The following MMP25 variants were observed in gnomAD, a reference collection of about 807,000 sequenced individuals.
MMP25 encodes the protein matrix metalloproteinase-25.
MMP25 carries 68 observed loss-of-function variants against 62.1 expected under a neutral mutation model. The ratio of observed to expected loss-of-function variants is 1.10; its 90% CI spans 0.90 to 1.34. The LOEUF (loss-of-function observed/expected upper bound fraction) is 1.34. Among genes scored for constraint, MMP25 ranks in the 40% most tolerant of loss-of-function variants. MMP25 has a pLI of 0.00. For missense variants in MMP25, 942 were observed against 792.5 expected (o/e 1.19, Z -2.26); for synonymous variants, 407 against 345.6 (o/e 1.18, Z -1.97).
chr16:3,049,949 A>G, intron 2 of MMP25, 60 bp from the exon 3 acceptor site: 1 of 1,598,654 alleles, frequency 6.3e-7, no homozygotes, highest in South Asian at 1.1e-5. Context: ...GACTGGTGCT[A>G]TGATTAAGGC....
chr16:3,049,610 C>G (rs923651450), intron 2 of MMP25, among the ~76,000 whole-genome samples: 3 of 152,300 alleles, frequency 2.0e-5, no homozygotes, highest in East Asian at 1.9e-4. Context: ...TTGAGGAGAA[C>G]TTGGCAGTGA....
At position 3,050,100 on chromosome 16, in the gene MMP25, C is replaced by T. The variant is rs373639552; in HGVS notation, c.324C>T (p.Tyr108=). The T allele has an allele frequency of 1.2e-4, 201 of 1,610,892 alleles. No homozygotes were observed. The Admixed American group carries it at 1.7e-3, about 14-fold the overall frequency. ...GGCTGGTCAGGCGGCGTCGCCGGTACGCTCTGAGCGGCAGCGTGTGGAAGA... is the reference window on the plus strand; with the variant it reads ...GGCTGGTCAGGCGGCGTCGCCGGTATGCTCTGAGCGGCAGCGTGTGGAAGA... ...VAGLVRRRRR[Y]ALSGSVWKKR... is the part of the protein sequence containing the mutation. Residue 108 remains tyrosine, a synonymous_variant, in exon 3 of 10, where the codon TAC becomes TAT. Coordinates refer to ENST00000336577, the MANE Select transcript of MMP25 (RefSeq NM_022468.5).
chr16:3,058,443 G>C lies in MMP25; in HGVS notation c.1191G>C (p.Gln397His), dbSNP rs1269064787. 1 of 1,588,948 alleles carries C rather than the reference G, an allele frequency of 6.3e-7. No homozygotes were observed. Among genetic ancestry groups the C allele is most frequent in the South Asian group, 1.1e-5 (1 of 88,216 alleles). ...AGTTCTGGGTGTTCCAGGACCGGCA[G>C]CTGGAGGGCGGGGCGCGGCCGCTCA... ...GPQFWVFQDR[Q>H]LEGGARPLTE... The change falls in exon 9 of 10, where the codon CAG becomes CAC. Residue 397 changes from glutamine to histidine, a missense_variant. Gln to His is a conservative substitution (Grantham distance 24). Coordinates refer to ENST00000336577, the MANE Select transcript of MMP25 (RefSeq NM_022468.5).
rs905378280 is a variant in MMP25, at chr16:3,058,683, T to C, written c.1417+14T>C. On this transcript the variant is annotated intron_variant, in intron 9 of 9. Coordinates refer to ENST00000336577, the MANE Select transcript of MMP25 (RefSeq NM_022468.5). ...TCAGCAACGCAGGTGGGGAGCGCGG[T>C]GACCTGCGGGTTACTGGGCCTGGGG... The C allele has an allele frequency of 8.2e-6, 13 of 1,586,230 alleles. No individual in the cohort carries two copies. The highest frequency in any genetic ancestry group is 1.7e-4 in the Middle Eastern group (1 of 6,010).
intron 3 of MMP25, 28 bp from the exon 4 acceptor site, chr16:3,050,226 C>A (rs750194997): frequency 1.3e-6 from 2 of 1,579,750 alleles, no homozygotes; most frequent in South Asian, 2.3e-5. Flanking sequence ...TCCACGGCCA[C>A]CCTTACACCT....
Position 3,058,660 on chromosome 16 carries a change from A to C in MMP25, c.1408A>C (p.Ser470Arg), listed in dbSNP as rs1956060934. ...APPSPDDVTV[S>R]NAGDTYFFKG... Reference sequence around the variant, plus strand: ...CCCCTCCCCTGACGATGTCACCGTCAGCAACGCAGGTGGGGAGCGCGGTGA... The same window carrying C: ...CCCCTCCCCTGACGATGTCACCGTCCGCAACGCAGGTGGGGAGCGCGGTGA... The change falls in exon 9 of 10, where the codon AGC becomes CGC. Residue 470 changes from serine (S) to arginine (R), a missense_variant. Physicochemically the swap from Ser to Arg is moderately radical, Grantham distance 110. Transcript: ENST00000336577. 6.3e-7 allele frequency: 1 copy of C among 1,599,732 alleles called. No homozygotes were observed. The highest frequency in any genetic ancestry group is 1.3e-5 in the African/African-American group (1 of 74,576).
chr16:3,058,127 G>A (rs1956044605), intron 7 of MMP25, 54 bp from the exon 8 acceptor site: 1 of 1,592,444 alleles, frequency 6.3e-7, no homozygotes, highest in Non-Finnish European at 8.5e-7. Context: ...CACCCTGGGG[G>A]AGGAGACCTC....
intron 4 of MMP25, chr16:3,051,382 G>C (rs1205292176): frequency 6.6e-6 from 1 of 152,226 alleles, no homozygotes; most frequent in African/African-American, 2.4e-5. Context: ...GGAAACCTTA[G>C]CTTTAGCTCT....
At position 3,057,050 on chromosome 16, in the gene MMP25, C is replaced by A; in HGVS notation, c.679C>A (p.Leu227Met). The A allele has an allele frequency of 6.3e-7, 1 of 1,590,420 alleles. No homozygotes were observed. The highest frequency in any genetic ancestry group is 8.6e-7 in the Non-Finnish European group (1 of 1,167,476). The change falls in exon 5 of 10, where the codon CTG becomes ATG. Residue 227 changes from leucine (L) to methionine (M), a missense_variant. Leu to Met is a conservative substitution (Grantham distance 15). Coordinates refer to ENST00000336577, the MANE Select transcript of MMP25 (RefSeq NM_022468.5). Reference sequence around the variant, plus strand: ...TCCTGCAGACGGCGAGGGGACCGACCTGTTTGCCGTGGCTGTCCATGAGTT... The same window carrying A: ...TCCTGCAGACGGCGAGGGGACCGACATGTTTGCCGTGGCTGTCCATGAGTT... ...FGSKDGEGTD[L>M]FAVAVHEFGH...
At position 3,050,118 on chromosome 16, in the gene MMP25, G is replaced by T. The variant is rs765565632; in HGVS notation, c.342G>T (p.Val114=). The change falls in exon 3 of 10, where the codon GTG becomes GTT. Residue 114 remains valine (V), a synonymous_variant. Transcript: ENST00000336577. ...GCCGGTACGCTCTGAGCGGCAGCGT[G>T]TGGAAGAAGCGAACCCTGACATGGA... ...RRRRYALSGS[V]WKKRTLTWRV... 1.9e-6 allele frequency: 3 copies of T among 1,608,206 alleles called. No individual in the cohort carries two copies. The African/African-American group carries it at 4.0e-5, about 21-fold the overall frequency.
chr16:3,051,593 G>A (rs187283352), intron 4 of MMP25: 1 of 152,290 alleles, frequency 6.6e-6, no homozygotes. Flanking sequence ...AACCATCACA[G>A]AGGCCTAGCA....
rs769430716 is a variant in MMP25, at chr16:3,050,389, C to T, written c.504C>T (p.Pro168=). The T allele has an allele frequency of 6.8e-6, 11 of 1,613,876 alleles. No individual in the cohort carries two copies. The highest frequency in any genetic ancestry group is 6.6e-5 in the South Asian group (6 of 91,082). Residue 168 remains proline (P), a synonymous_variant, in exon 4 of 10, where the codon CCC becomes CCT. Transcript: ENST00000336577. ...HEVDSPQGQE[P]DILIDFARAF... Reference sequence around the variant, plus strand: ...TGGATTCCCCCCAGGGCCAGGAGCCCGACATCCTCATCGACTTTGCCCGCG... The same window carrying T: ...TGGATTCCCCCCAGGGCCAGGAGCCTGACATCCTCATCGACTTTGCCCGCG...
chr16:3,057,529 A>G lies in MMP25; in HGVS notation c.924-2A>G. 1 of 1,613,742 alleles carries G rather than the reference A, an allele frequency of 6.2e-7. No individual in the cohort carries two copies. The highest frequency in any genetic ancestry group is 8.5e-7 in the Non-Finnish European group (1 of 1,179,768). ...TCTACTCACCTCTCCTTTCCTCCCC[A>G]GCCCATCCTTCCCCATCCCTGATCG... On this transcript the variant is annotated splice_acceptor_variant, in intron 6 of 9. Coordinates refer to ENST00000336577, the MANE Select transcript of MMP25 (RefSeq NM_022468.5). LOFTEE classifies it high-confidence loss of function.
chr16:3,049,356 G>T (rs1955865478), intron 2 of MMP25, among the ~76,000 whole-genome samples: 1 of 152,198 alleles, frequency 6.6e-6, no homozygotes, highest in Non-Finnish European at 1.5e-5. Flanking sequence ...GGAAAGGTAG[G>T]CCCTGTGTCT....
chr16:3,046,978 G>A lies in MMP25; in HGVS notation c.61G>A (p.Ala21Thr). 1 of 1,469,848 alleles carries A rather than the reference G, an allele frequency of 6.8e-7. No individual in the cohort carries two copies. The allele number at this position is 1,469,848 out of a possible 1,614,324, so 91.1% of individuals were successfully genotyped here. A position where few individuals can be genotyped will look rare whatever the true frequency, so the allele number is the denominator to read the frequency against. The change falls in exon 1 of 10, where the codon GCC becomes ACC. Residue 21 changes from alanine (A) to threonine (T), a missense_variant. Physicochemically the swap from Ala to Thr is moderately conservative, Grantham distance 58. Transcript: ENST00000336577. Reference protein sequence around the residue: ...LLLLLAPPARAPKPSAQDVSL... With the variant: ...LLLLLAPPARTPKPSAQDVSL... ...TCTGCTGCTGGCACCGCCCGCGCGC[G>A]CCCCGAAGCCCTCGGCGCAGGACGT... is the stretch of plus-strand genomic sequence containing the variant.
rs10431961 is a variant in MMP25 at position 3,050,094 on chromosome 16, C to T, written c.318C>T (p.Arg106=). The T allele has an allele frequency of 0.32, 520,062 of 1,610,944 alleles. 86,150 individuals carry two copies. Among genetic ancestry groups the T allele is most frequent in the Admixed American group, 0.4 (23,703 of 59,968 alleles). The change falls in exon 3 of 10, where the codon CGC becomes CGT. Residue 106 remains arginine (R), a synonymous_variant. Transcript: ENST00000336577. ...LGVAGLVRRR[R]RYALSGSVWK... Reference sequence around the variant, plus strand: ...TGGCGGGGCTGGTCAGGCGGCGTCGCCGGTACGCTCTGAGCGGCAGCGTGT... The same window carrying T: ...TGGCGGGGCTGGTCAGGCGGCGTCGTCGGTACGCTCTGAGCGGCAGCGTGT...
Position 3,059,126 on chromosome 16 carries a change from G to A in MMP25, c.*28G>A, listed in dbSNP as rs1205555519. The A allele has an allele frequency of 1.3e-6, 2 of 1,493,512 alleles. No individual in the cohort carries two copies. Among genetic ancestry groups the A allele is most frequent in the South Asian group, 1.3e-5 (1 of 76,628 alleles). The allele number at this position is 1,493,512 out of a possible 1,614,324, so 92.5% of individuals were successfully genotyped here. ...GGGGGAGCCATCCAGACCGAACAGC[G>A]CCCTCCACGGCCGAGTCCCCCGCCG... is the stretch of plus-strand genomic sequence containing the variant. On this transcript the variant is annotated 3_prime_UTR_variant, in exon 10 of 10. Coordinates refer to ENST00000336577, the MANE Select transcript of MMP25 (RefSeq NM_022468.5).
chr16:3,049,052 C>T (rs1426083861), intron 2 of MMP25, among the ~76,000 whole-genome samples: 1 of 151,966 alleles, frequency 6.6e-6, no homozygotes, highest in Non-Finnish European at 1.5e-5. Flanking sequence ...AAGCGATCAG[C>T]CCACCTTGGC....
intron 4 of MMP25, among the ~76,000 whole-genome samples, chr16:3,056,639 T>G (rs1956013763): frequency 6.6e-6 from 1 of 152,034 alleles, no homozygotes; most frequent in Non-Finnish European, 1.5e-5. Flanking sequence ...AGTCTTGAAC[T>G]CTTGGGCTCA....
Sources: allele counts gnomAD v4.1 joint callset (sites outside exome capture counted in the v4.1 genomes callset), GRCh38; gene constraint gnomAD v4.1.1; transcripts MANE v1.5; gene names NCBI Gene and HGNC (gene_info 2026-07-23, HGNC 2026-07-21).